CDH13: variants seen among roughly 807,000 people sequenced by gnomAD.
CDH13 encodes the protein cadherin 13, also known as cadherin-13.
A neutral mutation model predicts 63.8 loss-of-function variants in CDH13; 24 were observed. That is an observed-to-expected ratio of 0.38 (90% CI 0.27 to 0.53). The LOEUF is 0.53. CDH13 is among the 20% of genes least tolerant of loss of function. The pLI, the probability that CDH13 is intolerant of heterozygous loss-of-function variation, is 0.85. For synonymous variants in CDH13, 503 were observed against 355.3 expected (o/e 1.42, Z -4.67); for missense variants, 1,049 against 903.1 (o/e 1.16, Z -2.07).
Position 83,177,307 on chromosome 16 carries a change from T to C in CDH13, c.484-40038T>C, listed in dbSNP as rs139067732. ...TTCAAATGACATTTATTTCCCTCGCTAGTTCTTCAAAGGTAGGGACTAATC... is the reference window on the plus strand; with the variant it reads ...TTCAAATGACATTTATTTCCCTCGCCAGTTCTTCAAAGGTAGGGACTAATC... On this transcript the variant is annotated intron_variant, in intron 4 of 13. Coordinates refer to ENST00000567109, the MANE Select transcript of CDH13 (RefSeq NM_001257.5). Among the ~76,000 whole-genome samples, 3 of 152,324 alleles carry C rather than the reference T, an allele frequency of 2.0e-5. No individual in the cohort carries two copies. In the East Asian group the frequency reaches 5.8e-4, roughly 29 times the overall value.
At chr16:83,457,968 G>C (rs571254664) in intron 6 of CDH13, among the ~76,000 whole-genome samples, 24 of 152,326 alleles carry the variant, frequency 1.6e-4, no homozygotes, top group African/African-American at 5.8e-4. Flanking sequence ...GGTAAAGCCT[G>C]AGCAGAAACA....
chr16:83,620,506 G>A (rs527801179), intron 8 of CDH13, among the ~76,000 whole-genome samples: 1 of 152,240 alleles, frequency 6.6e-6, no homozygotes, highest in Admixed American at 6.5e-5. Flanking sequence ...AGATTGCTGG[G>A]GATGCCAACA....
intron 10 of CDH13, among the ~76,000 whole-genome samples, chr16:83,737,324 T>G (rs1249508356): frequency 1.3e-5 from 2 of 152,230 alleles, no homozygotes; most frequent in Non-Finnish European, 2.9e-5. Context: ...AAGTTTGACT[T>G]CGAAGTTACT....
chr16:82,779,947 A>G (rs2035673935), intron 1 of CDH13, among the ~76,000 whole-genome samples: 1 of 152,154 alleles, frequency 6.6e-6, no homozygotes, highest in Non-Finnish European at 1.5e-5. Context: ...GTATCATGTT[A>G]CTGCATCTTA....
At chr16:83,017,994 T>G (rs1319710211) in intron 2 of CDH13, among the ~76,000 whole-genome samples, 1 of 152,208 alleles carries the variant, frequency 6.6e-6, no homozygotes, top group Non-Finnish European at 1.5e-5. Flanking sequence ...GTAAATTTTA[T>G]GTGAAAAAAC....
At chr16:82,946,880 T>G (rs1392573578) in intron 2 of CDH13, among the ~76,000 whole-genome samples, 2 of 152,132 alleles carry the variant, frequency 1.3e-5, no homozygotes, top group Admixed American at 1.3e-4. Context: ...TTGAAAGTGT[T>G]TTAAGCAGAA....
chr16:83,214,470 C>G (rs917585376), intron 4 of CDH13, among the ~76,000 whole-genome samples: 1 of 141,814 alleles, frequency 7.1e-6, no homozygotes, highest in African/African-American at 2.6e-5. Flanking sequence ...GTTCCACCTA[C>G]TTAGGGGGCT....
chr16:82,945,242 G>A (rs555854997), intron 2 of CDH13, among the ~76,000 whole-genome samples: 21 of 152,298 alleles, frequency 1.4e-4, no homozygotes, highest in Admixed American at 4.6e-4. Context: ...AACTGTGCCC[G>A]TGTAGTCCCC....
chr16:83,102,219 G>C (rs549652209), intron 3 of CDH13, among the ~76,000 whole-genome samples: 6 of 152,324 alleles, frequency 3.9e-5, no homozygotes, highest in African/African-American at 1.4e-4. Context: ...ATGACACCTT[G>C]ATTTTAGCAC....
At chr16:83,511,307 C>G (rs997138936) in intron 7 of CDH13, among the ~76,000 whole-genome samples, 2 of 152,056 alleles carry the variant, frequency 1.3e-5, no homozygotes, top group Non-Finnish European at 2.9e-5. Context: ...ACTAAAAATA[C>G]AAAATTTAGC....
chr16:82,708,479 T>C (rs2031663748), intron 1 of CDH13, among the ~76,000 whole-genome samples: 1 of 152,200 alleles, frequency 6.6e-6, no homozygotes, highest in Non-Finnish European at 1.5e-5. Flanking sequence ...CTTTCTCTTT[T>C]TCTGTGTGAA....
intron 3 of CDH13, among the ~76,000 whole-genome samples, chr16:83,108,746 A>G (rs1465671238): frequency 1.3e-5 from 2 of 152,188 alleles, no homozygotes; most frequent in African/African-American, 4.8e-5. Flanking sequence ...CTTTGCAGTT[A>G]GAACACATCA....
chr16:82,770,127 C>G (rs1386744805), intron 1 of CDH13, among the ~76,000 whole-genome samples: 5 of 152,218 alleles, frequency 3.3e-5, no homozygotes, highest in African/African-American at 9.7e-5. Context: ...TTAGTTAGCT[C>G]AGGCTGGTAA....
chr16:83,423,960 C>A (rs528092938), intron 6 of CDH13, among the ~76,000 whole-genome samples: 12 of 152,246 alleles, frequency 7.9e-5, no homozygotes, highest in African/African-American at 2.4e-4. Context: ...AAGTAAGAAA[C>A]GTGAATAAGA....
intron 10 of CDH13, among the ~76,000 whole-genome samples, chr16:83,744,385 C>G (rs1055468303): frequency 4.6e-5 from 7 of 152,210 alleles, no homozygotes; most frequent in African/African-American, 7.2e-5. Context: ...ATAAATGACT[C>G]TTTAAATGAA....
intron 10 of CDH13, among the ~76,000 whole-genome samples, chr16:83,715,757 C>T (rs1252495899): frequency 6.6e-6 from 1 of 152,138 alleles, no homozygotes; most frequent in African/African-American, 2.4e-5. Context: ...ATTGTGATGC[C>T]TTGGCTTGGG....
At chr16:83,537,132 A>G (rs900827442) in intron 7 of CDH13, among the ~76,000 whole-genome samples, 1 of 152,254 alleles carries the variant, frequency 6.6e-6, no homozygotes, top group African/African-American at 2.4e-5. Flanking sequence ...TGAAATACAT[A>G]GAAACCACAG....
rs374359628 is a variant in CDH13, at chr16:83,738,624, T to G, written c.1539-9484T>G. ...GTAGTCTCTAGAATTAAAAGGGTTT[T>G]GGGCCAGGTGTGGTGGCTCAAGCCT... On this transcript the variant is annotated intron_variant, in intron 10 of 13. Transcript: ENST00000567109. Among the ~76,000 whole-genome samples, 60 of 152,274 alleles carry G rather than the reference T, an allele frequency of 3.9e-4. No homozygotes were observed. The East Asian group carries it at 0.011, about 28-fold the overall frequency.
intron 5 of CDH13, among the ~76,000 whole-genome samples, chr16:83,342,098 A>G (rs967336086): frequency 1.3e-5 from 2 of 151,712 alleles, no homozygotes; most frequent in Non-Finnish European, 2.9e-5. Context: ...TATGGTAACT[A>G]CTACCTGCAT....
Sources: gnomAD v4.1 joint callset for allele counts (sites outside exome capture counted in the v4.1 genomes callset) on GRCh38, gnomAD v4.1.1 for gene constraint, MANE v1.5 for transcripts, NCBI Gene and HGNC (gene_info 2026-07-23, HGNC 2026-07-21) for gene names.